PDSS1: variants seen among roughly 807,000 people sequenced by gnomAD.
PDSS1 encodes decaprenyl diphosphate synthase subunit 1, also known as all trans-polyprenyl-diphosphate synthase PDSS1.
Under a neutral mutation model 57.5 loss-of-function variants are expected in PDSS1, and 43 were observed. The observed-to-expected ratio is 0.75, with a 90% CI of 0.59 to 0.96. PDSS1 has a LOEUF of 0.96. Ranked by LOEUF, PDSS1 falls within the 50% of genes least tolerant of loss-of-function variation. PDSS1 has a pLI of 0.00. For synonymous variants in PDSS1, 175 were observed against 191.3 expected, an observed-to-expected ratio of 0.91 and a Z score of 0.70; for missense variants, 438 against 527.8, an observed-to-expected ratio of 0.83 and a Z score of 1.67.
chr10:26,743,253 C>G (rs1375299875), intron 11 of PDSS1, among the ~76,000 whole-genome samples: 1 of 152,172 alleles, frequency 6.6e-6, no homozygotes, highest in African/African-American at 2.4e-5. Context: ...GTGACTGACT[C>G]CTGTGAGAAT....
rs551617558 is a variant in PDSS1, at chr10:26,700,452, T to A, written c.130-1710T>A. 4.6e-5 allele frequency among the ~76,000 whole-genome samples: 7 copies of A among 152,220 alleles called. No homozygotes were observed. The East Asian group carries it at 1.4e-3, about 30-fold the overall frequency. ...GACCTCCTGATATGGTTTGGCTCTG[T>A]GTGCCCACCCACATCTATCTCGAAT... On this transcript the variant is annotated intron_variant, in intron 1 of 11. Transcript: ENST00000376215.
At chr10:26,724,631 G>A (rs1835894905) in intron 8 of PDSS1, among the ~76,000 whole-genome samples, 1 of 152,084 alleles carries the variant, frequency 6.6e-6, no homozygotes, top group Non-Finnish European at 1.5e-5. Context: ...AGGCTACAAA[G>A]CAGTGGTGTG....
chr10:26,745,867 A>G (rs1295353516), intron 11 of PDSS1, among the ~76,000 whole-genome samples: 1 of 152,046 alleles, frequency 6.6e-6, no homozygotes, highest in Non-Finnish European at 1.5e-5. Context: ...AAAAAGAAAA[A>G]AAAAACTATT....
intron 1 of PDSS1, among the ~76,000 whole-genome samples, chr10:26,698,086 G>T (rs899789546): frequency 1.3e-5 from 2 of 151,534 alleles, no homozygotes; most frequent in African/African-American, 4.9e-5. Flanking sequence ...GGGGACCCCG[G>T]GAGCGTTTTG....
intron 5 of PDSS1, chr10:26,715,229 CT>C (rs1277988590): frequency 2.0e-5 from 3 of 152,124 alleles, no homozygotes; most frequent in Non-Finnish European, 4.4e-5. Context: ...ACCCATTAAG[CT>C]GGAGATTTTG....
At chr10:26,720,414 A>G (rs2132259832) in intron 6 of PDSS1, 55 bp downstream of exon 6, 5 of 1,145,300 alleles carry the variant, frequency 4.4e-6, no homozygotes, top group Non-Finnish European at 5.3e-6. Flanking sequence ...CACTTTTCGG[A>G]CCGCATTTGT....
At chr10:26,710,939 C>T (rs1835394560) in intron 5 of PDSS1, among the ~76,000 whole-genome samples, 2 of 98,696 alleles carry the variant, frequency 2.0e-5, no homozygotes, top group African/African-American at 6.6e-5. Flanking sequence ...AGGGGCACAG[C>T]CTAAGGTGAG....
chr10:26,717,527 AGGCGCAAAATGACATT>A (rs1835630523), intron 5 of PDSS1: 3 of 152,222 alleles, frequency 2.0e-5, no homozygotes, highest in Admixed American at 2.0e-4. Flanking sequence ...CCACTGCGCC[AGGCGCAAAATGACATT>A]TTTAGATGGA....
chr10:26,714,021 C>T (rs913126336), intron 5 of PDSS1, among the ~76,000 whole-genome samples: 1 of 152,100 alleles, frequency 6.6e-6, no homozygotes, highest in Non-Finnish European at 1.5e-5. Context: ...AGTCCTGTAT[C>T]CTCTCCCCCT....
At position 26,746,474 on chromosome 10, in the gene PDSS1, C is replaced by CT. The variant is rs1836919710; in HGVS notation, c.*1_*2insT. 6.2e-7 allele frequency: 1 copy of CT among 1,613,874 alleles called. No individual in the cohort carries two copies. On this transcript the variant is annotated 3_prime_UTR_variant, in exon 12 of 12. Transcript: ENST00000376215. ...AATTGTACTCACAAGAGATAAATGA[C>CT]AACTCTTTCTGTTCTTTCTGGCAGC...
chr10:26,728,550 T>G (rs1836044908), intron 8 of PDSS1, among the ~76,000 whole-genome samples: 2 of 152,136 alleles, frequency 1.3e-5, no homozygotes, highest in African/African-American at 4.8e-5. Context: ...TTTAACCTAT[T>G]TTGGGCAAAG....
intron 8 of PDSS1, among the ~76,000 whole-genome samples, chr10:26,727,336 CTCTCT>C (rs777223467): frequency 1.1e-4 from 12 of 113,474 alleles, no homozygotes; most frequent in Non-Finnish European, 1.5e-4. Context: ...CTCTCTCTCT[CTCTCT>C]TTTTTTTTTT....
chr10:26,725,623 A>G (rs1835926625), intron 8 of PDSS1, among the ~76,000 whole-genome samples: 2 of 152,208 alleles, frequency 1.3e-5, no homozygotes, highest in Non-Finnish European at 2.9e-5. Context: ...AATCCTTTAC[A>G]TATTATCATG....
Position 26,735,533 on chromosome 10 carries a change from T to C in PDSS1, c.980T>C (p.Leu327Pro). The change falls in exon 10 of 12, where the codon CTG becomes CCG. Residue 327 changes from leucine (L) to proline (P), a missense_variant. Physicochemically the swap from Leu to Pro is moderately conservative, Grantham distance 98 (BLOSUM62 -3). Around this residue, in one of 2 missense-constraint regions of PDSS1, gnomAD observed 284 missense variants for 390.7 expected, o/e 0.73. Coordinates refer to ENST00000376215, the MANE Select transcript of PDSS1 (RefSeq NM_014317.5). ...DQMGKPTSAD[L>P]KLGLATGPVL... Reference sequence around the variant, plus strand: ...ATGGGCAAACCAACATCAGCTGATCTGAAGCTCGGGTTAGCCACTGGTCCT... The same window carrying C: ...ATGGGCAAACCAACATCAGCTGATCCGAAGCTCGGGTTAGCCACTGGTCCT... 6.2e-7 allele frequency: 1 copy of C among 1,614,056 alleles called. No individual in the cohort carries two copies.
intron 1 of PDSS1, among the ~76,000 whole-genome samples, chr10:26,698,049 A>G (rs1471984984): frequency 1.3e-5 from 2 of 151,808 alleles, no homozygotes; most frequent in Admixed American, 6.6e-5. Context: ...GGGGCGCCCT[A>G]CACGGGGTTG....
At chr10:26,709,873 C>A in intron 5 of PDSS1, 105 bp downstream of exon 5, 1 of 1,258,330 alleles carries the variant, frequency 7.9e-7, no homozygotes, top group Non-Finnish European at 1.2e-6. Context: ...CATATACCGG[C>A]TGGGCATGGT....
At chr10:26,744,580 G>A (rs1429640013) in intron 11 of PDSS1, among the ~76,000 whole-genome samples, 2 of 151,842 alleles carry the variant, frequency 1.3e-5, no homozygotes, top group African/African-American at 4.8e-5. Flanking sequence ...TAGTGGAGAC[G>A]GGGTTTCACC....
chr10:26,699,254 G>A (rs1033579135), intron 1 of PDSS1, among the ~76,000 whole-genome samples: 20 of 152,184 alleles, frequency 1.3e-4, no homozygotes, highest in Non-Finnish European at 2.8e-4. Context: ...GAGGCTTAGA[G>A]GAGGAAGGTA....
At chr10:26,702,384 AG>A (rs1835079209) in intron 2 of PDSS1, among the ~76,000 whole-genome samples, 190 bp downstream of exon 2, 1 of 152,158 alleles carries the variant, frequency 6.6e-6, no homozygotes, top group South Asian at 2.1e-4. Flanking sequence ...CATGTGTCAA[AG>A]GAGGGCCTAT....
Sources: allele counts gnomAD v4.1 joint callset (sites outside exome capture counted in the v4.1 genomes callset), GRCh38; gene constraint gnomAD v4.1.1; regional missense constraint gnomAD v4.1.1; transcripts MANE v1.5; gene names NCBI Gene and HGNC (gene_info 2026-07-23, HGNC 2026-07-21).